The following NAALADL2 variants were observed in gnomAD, a reference collection of about 807,000 sequenced individuals.
NAALADL2 encodes inactive N-acetylated-alpha-linked acidic dipeptidase-like protein 2.
In NAALADL2, 76 loss-of-function variants were observed where a neutral mutation model predicts 87.2. The ratio of observed to expected loss-of-function variants is 0.87; its 90% CI spans 0.72 to 1.05. The LOEUF (loss-of-function observed/expected upper bound fraction) is 1.05. Ranked by LOEUF, NAALADL2 falls within the 50% of genes least tolerant of loss-of-function variation. The pLI is 0.00. For synonymous variants in NAALADL2, 354 were observed against 331.0 expected, an observed-to-expected ratio of 1.07 and a Z score of -0.75; for missense variants, 1,089 against 945.8, an observed-to-expected ratio of 1.15 and a Z score of -1.99.
At chr3:175,734,832 G>A (rs1421790226) in intron 11 of NAALADL2, among the ~76,000 whole-genome samples, 1 of 152,170 alleles carries the variant, frequency 6.6e-6, no homozygotes, top group Non-Finnish European at 1.5e-5. Context: ...GTGATGGGAG[G>A]GGCTGCCGCA....
chr3:175,576,117 C>T lies in NAALADL2; in HGVS notation c.1730C>T (p.Ala577Val). The T allele has an allele frequency of 6.2e-7, 1 of 1,613,166 alleles. No individual in the cohort carries two copies. Among genetic ancestry groups the T allele is most frequent in the Non-Finnish European group, 8.5e-7 (1 of 1,179,154 alleles). ...AGTTCTATACAGATACAAGGTGATG[C>T]TGATTATTTCATCAACCATCTTGGA... ...NISSIQIQGD[A>V]DYFINHLGVP... is the part of the protein sequence containing the mutation. The change falls in exon 10 of 14, where the codon GCT (alanine) becomes GTT (valine). Residue 577 changes from alanine to valine, a missense_variant. By Grantham distance (64) the Ala-to-Val change is moderately conservative. Transcript: ENST00000454872.
At chr3:175,313,671 G>A (rs1341099591) in intron 4 of NAALADL2, among the ~76,000 whole-genome samples, 1 of 152,160 alleles carries the variant, frequency 6.6e-6, no homozygotes, top group Non-Finnish European at 1.5e-5. Flanking sequence ...TAAGTAGACT[G>A]CCCAAATGGC....
intron 11 of NAALADL2, among the ~76,000 whole-genome samples, chr3:175,654,653 A>C (rs1008618506): frequency 2.0e-5 from 3 of 152,234 alleles, no homozygotes; most frequent in Non-Finnish European, 4.4e-5. Context: ...AGCTGCAGGC[A>C]TAGCTGTAGC....
chr3:174,715,641 T>C (rs1731114404), intron 2 of NAALADL2, among the ~76,000 whole-genome samples: 2 of 152,208 alleles, frequency 1.3e-5, no homozygotes, highest in Admixed American at 6.6e-5. Context: ...AAATGCTGTT[T>C]ATAATTCAGG....
intron 9 of NAALADL2, among the ~76,000 whole-genome samples, chr3:175,528,654 G>T (rs12496467): frequency 6.6e-6 from 1 of 152,024 alleles, no homozygotes; most frequent in Non-Finnish European, 1.5e-5. Context: ...CAATAATAAG[G>T]TTATAATTAT....
intron 1 of NAALADL2, among the ~76,000 whole-genome samples, chr3:174,475,658 T>C (rs1717168349): frequency 6.6e-6 from 1 of 152,028 alleles, no homozygotes; most frequent in Non-Finnish European, 1.5e-5. Context: ...TAGTAACTGC[T>C]AAAATGATGA....
intron 9 of NAALADL2, among the ~76,000 whole-genome samples, chr3:175,479,373 C>G (rs75863472): frequency 4.9e-4 from 75 of 151,844 alleles, no homozygotes; most frequent in African/African-American, 1.7e-3. Context: ...AAAGTAGAAC[C>G]TTCAGTATGT....
chr3:175,083,943 A>G (rs1030629261), intron 1 of NAALADL2, among the ~76,000 whole-genome samples: 2 of 152,294 alleles, frequency 1.3e-5, no homozygotes, highest in African/African-American at 4.8e-5. Context: ...TAAGAACTGA[A>G]CCTGAGGGCA....
intron 13 of NAALADL2, among the ~76,000 whole-genome samples, chr3:175,771,000 A>G (rs1419327560): frequency 6.6e-6 from 1 of 152,234 alleles, no homozygotes; most frequent in Non-Finnish European, 1.5e-5. Flanking sequence ...TTCCTGAAAT[A>G]GAATATCACA....
intron 3 of NAALADL2, among the ~76,000 whole-genome samples, chr3:174,759,271 G>C (rs1270632178): frequency 6.6e-6 from 1 of 152,078 alleles, no homozygotes; most frequent in Non-Finnish European, 1.5e-5. Context: ...GTTTTAAATG[G>C]ATTTGCTTTT....
At chr3:174,447,747 G>A (rs1434143084) in intron 1 of NAALADL2, among the ~76,000 whole-genome samples, 3 of 151,124 alleles carry the variant, frequency 2.0e-5, no homozygotes, top group Admixed American at 1.3e-4. Context: ...CCTGGAAGGC[G>A]GAGCTTTCAG....
chr3:175,737,725 T>TG (rs1744696443), intron 12 of NAALADL2, among the ~76,000 whole-genome samples: 1 of 140,578 alleles, frequency 7.1e-6, no homozygotes, highest in Non-Finnish European at 1.5e-5. Context: ...TTTTTTTTTT[T>TG]TTTTTTTTTT....
intron 1 of NAALADL2, among the ~76,000 whole-genome samples, chr3:174,518,357 G>C (rs1428925444): frequency 1.3e-5 from 2 of 152,050 alleles, no homozygotes; most frequent in African/African-American, 4.8e-5. Flanking sequence ...TCCAGTAATG[G>C]GAGGCTTAGG....
chr3:174,916,129 G>A (rs1437378823), intron 1 of NAALADL2, among the ~76,000 whole-genome samples: 4 of 151,894 alleles, frequency 2.6e-5, no homozygotes, highest in South Asian at 2.1e-4. Flanking sequence ...GCTCAACATC[G>A]CTAATCATGG....
intron 10 of NAALADL2, among the ~76,000 whole-genome samples, chr3:175,593,478 C>T (rs1432585174): frequency 6.6e-6 from 1 of 152,124 alleles, no homozygotes; most frequent in African/African-American, 2.4e-5. Context: ...GTATTCGTTT[C>T]TTGGAGTTTC....
At chr3:174,881,348 A>T (rs947690597) in intron 1 of NAALADL2, among the ~76,000 whole-genome samples, 1 of 152,074 alleles carries the variant, frequency 6.6e-6, no homozygotes, top group Non-Finnish European at 1.5e-5. Flanking sequence ...GTGTTTTAAA[A>T]TTTTTCAGGT....
intron 11 of NAALADL2, among the ~76,000 whole-genome samples, chr3:175,646,359 T>C (rs1284777649): frequency 6.6e-6 from 1 of 152,044 alleles, no homozygotes; most frequent in East Asian, 1.9e-4. Context: ...TACTACCAAT[T>C]CCTCAATATT....
intron 2 of NAALADL2, among the ~76,000 whole-genome samples, chr3:174,557,539 T>C (rs1268413210): frequency 1.3e-5 from 2 of 152,176 alleles, no homozygotes; most frequent in Non-Finnish European, 2.9e-5. Context: ...ATAGACTCCT[T>C]TAAGAGGTAC....
intron 1 of NAALADL2, among the ~76,000 whole-genome samples, chr3:175,090,611 T>C (rs1169961317): frequency 6.6e-6 from 1 of 151,774 alleles, no homozygotes; most frequent in African/African-American, 2.4e-5. Flanking sequence ...TTGCAATCTA[T>C]AGCTCATTAA....
Sources: gnomAD v4.1 joint callset for allele counts (sites outside exome capture counted in the v4.1 genomes callset) on GRCh38, gnomAD v4.1.1 for gene constraint, MANE v1.5 for transcripts, NCBI Gene and HGNC (gene_info 2026-07-23, HGNC 2026-07-21) for gene names.